Variants in KLF15 observed in about 807,000 individuals in gnomAD.
KLF15 encodes the protein Krueppel-like factor 15.
In KLF15, 4 loss-of-function variants were observed where a neutral mutation model predicts 24.6. The ratio of observed to expected loss-of-function variants is 0.16; its 90% confidence interval spans 0.08 to 0.37. The LOEUF (loss-of-function observed/expected upper bound fraction) is 0.37, where lower values mean the gene tolerates loss of function less well. Ranked by LOEUF, KLF15 falls within the 10% of genes least tolerant of loss-of-function variation. KLF15 has a pLI of 1.00. For missense variants in KLF15, 496 were observed against 560.6 expected (o/e 0.88, Z 1.16); for synonymous variants, 246 against 236.3 (o/e 1.04, Z -0.37).
At chr3:126,320,688 C>G in the KLF15 span, among the ~76,000 whole-genome samples, 1 of 152,126 alleles carries the variant, frequency 6.6e-6, no homozygotes, top group Non-Finnish European at 1.5e-5. Context: ...CCCCAGACTG[C>G]CCTGTGGATG....
the KLF15 span, among the ~76,000 whole-genome samples, chr3:126,303,571 T>A: frequency 2.0e-4 from 31 of 152,118 alleles, no homozygotes. Context: ...TTTTTTTGAA[T>A]TACTGGTTTT....
Position 126,352,228 on chromosome 3 carries a change from G to A in KLF15, c.695C>T (p.Ser232Leu), listed in dbSNP as rs762380089. The A allele has an allele frequency of 1.2e-5, 18 of 1,536,654 alleles. No homozygotes were observed. Among genetic ancestry groups the A allele is most frequent in the South Asian group, 3.9e-5 (3 of 76,522 alleles). Residue 232 changes from serine (S) to leucine (L), a missense_variant, in exon 2 of 3, where the codon TCG becomes TTG. Ser to Leu is a moderately radical substitution (Grantham distance 145, BLOSUM62 -2). Around this residue, in one of 3 missense-constraint regions of KLF15, gnomAD observed 399 missense variants for 423.1 expected, o/e 0.94. Transcript: ENST00000296233. Reference protein sequence around the residue: ...QIQPVPVKQESGTGPASPGQA... With the variant: ...QIQPVPVKQELGTGPASPGQA... Reference sequence around the variant, plus strand: ...CCCAGGGGAGGCAGGCCCTGTGCCCGATTCCTGCTTCACAGGCACGGGCTG... The same window carrying A: ...CCCAGGGGAGGCAGGCCCTGTGCCCAATTCCTGCTTCACAGGCACGGGCTG...
the KLF15 span, among the ~76,000 whole-genome samples, chr3:126,320,227 G>C: frequency 3.9e-5 from 6 of 152,312 alleles, no homozygotes; most frequent in Admixed American, 1.3e-4. Flanking sequence ...TGCTATGATT[G>C]GTGGCTGCCC....
chr3:126,346,784 C>T (rs2082538688), intron 2 of KLF15, among the ~76,000 whole-genome samples: 2 of 152,288 alleles, frequency 1.3e-5, no homozygotes, highest in African/African-American at 2.4e-5. Context: ...CTGGGGACTA[C>T]AGTGGGGGAT....
At chr3:126,310,537 G>A in the KLF15 span, among the ~76,000 whole-genome samples, 24 of 152,172 alleles carry the variant, frequency 1.6e-4, no homozygotes, top group Non-Finnish European at 2.9e-4. Context: ...TCAGAGAAGG[G>A]GGGGTGGGTG....
chr3:126,307,928 T>C, the KLF15 span, among the ~76,000 whole-genome samples: 1 of 152,054 alleles, frequency 6.6e-6, no homozygotes, highest in Admixed American at 6.5e-5. Context: ...TTGTCTGGAC[T>C]CCGTGTCTCC....
At chr3:126,311,485 C>T in the KLF15 span, among the ~76,000 whole-genome samples, 4 of 152,188 alleles carry the variant, frequency 2.6e-5, no homozygotes, top group Non-Finnish European at 5.9e-5. Context: ...ATCAGTCCAA[C>T]CCGGAGGTGG....
chr3:126,322,205 G>C, the KLF15 span, among the ~76,000 whole-genome samples: 66 of 151,796 alleles, frequency 4.3e-4, no homozygotes, highest in Non-Finnish European at 8.2e-4. Flanking sequence ...TCTTACTGCA[G>C]CTGTAACAAT....
Position 126,352,932 on chromosome 3 carries a change from G to A in KLF15, c.-10C>T. 1 of 1,588,310 alleles carries A rather than the reference G, an allele frequency of 6.3e-7. No homozygotes were observed. The highest frequency in any genetic ancestry group is 1.2e-5 in the South Asian group (1 of 86,880). ...GTAAGTGGTCCACCATGCTGGCCTG[G>A]CCGTGCCGGTGGCGGCTGCAGGAAA... On this transcript the variant is annotated 5_prime_UTR_variant, in exon 2 of 3. Coordinates refer to ENST00000296233, the MANE Select transcript of KLF15 (RefSeq NM_014079.4).
the KLF15 span, among the ~76,000 whole-genome samples, chr3:126,301,706 C>T: frequency 3.3e-5 from 5 of 151,308 alleles, no homozygotes; most frequent in African/African-American, 2.4e-5. Context: ...CCTCTGCCCC[C>T]GGGGTTCAAG....
chr3:126,307,311 G>T, the KLF15 span, among the ~76,000 whole-genome samples: 1 of 152,204 alleles, frequency 6.6e-6, no homozygotes, highest in African/African-American at 2.4e-5. Flanking sequence ...CCAGCCTCCA[G>T]CATGGGGCCT....
chr3:126,350,776 G>A (rs915298460), intron 2 of KLF15, among the ~76,000 whole-genome samples: 14 of 151,932 alleles, frequency 9.2e-5, no homozygotes, highest in Non-Finnish European at 1.9e-4. Flanking sequence ...GCATACACAT[G>A]TGGGTGTGCA....
chr3:126,318,722 T>C, the KLF15 span, among the ~76,000 whole-genome samples: 2 of 152,240 alleles, frequency 1.3e-5, no homozygotes, highest in Admixed American at 1.3e-4. Flanking sequence ...CTTTATTTTT[T>C]GAGCAGTTTT....
At chr3:126,315,988 T>C in the KLF15 span, among the ~76,000 whole-genome samples, 1 of 152,108 alleles carries the variant, frequency 6.6e-6, no homozygotes, top group Non-Finnish European at 1.5e-5. Context: ...AGAACAGGGG[T>C]TGGCAAGCCG....
At chr3:126,310,819 T>A in the KLF15 span, among the ~76,000 whole-genome samples, 1 of 152,182 alleles carries the variant, frequency 6.6e-6, no homozygotes, top group Non-Finnish European at 1.5e-5. Flanking sequence ...TTCTTAGGCA[T>A]TGGAGGTTAG....
chr3:126,338,718 T>C (rs1178638990), downstream of KLF15, among the ~76,000 whole-genome samples: 4 of 152,246 alleles, frequency 2.6e-5, no homozygotes, highest in Non-Finnish European at 5.9e-5. Flanking sequence ...GATTTAGACG[T>C]ATTTCTGCAG....
chr3:126,296,776 C>T, the KLF15 span, among the ~76,000 whole-genome samples: 3 of 152,176 alleles, frequency 2.0e-5, no homozygotes, highest in African/African-American at 7.2e-5. Context: ...CTTCCATTCT[C>T]AAATAGGAAA....
At chr3:126,342,486 G>C (rs1336876079), downstream of KLF15, 2 of 152,274 alleles carry the variant, frequency 1.3e-5, no homozygotes, top group East Asian at 3.9e-4. Flanking sequence ...TACCCTGCTG[G>C]ACCGGGGCTG....
chr3:126,295,384 A>G, the KLF15 span, among the ~76,000 whole-genome samples: 1 of 152,222 alleles, frequency 6.6e-6, no homozygotes, highest in Non-Finnish European at 1.5e-5. Flanking sequence ...AACGCTGGGA[A>G]CTACATCCAG....
Sources: allele counts gnomAD v4.1 joint callset (sites outside exome capture counted in the v4.1 genomes callset), GRCh38; gene constraint gnomAD v4.1.1; regional missense constraint gnomAD v4.1.1; transcripts MANE v1.5; gene names NCBI Gene and HGNC (gene_info 2026-07-23, HGNC 2026-07-21).